The following SPTBN5 variants were observed in gnomAD, a reference collection of about 807,000 sequenced individuals.
The protein encoded by SPTBN5 is spectrin beta, non-erythrocytic 5, also known as spectrin beta chain, non-erythrocytic 5.
Under a neutral mutation model 477.6 loss-of-function variants are expected in SPTBN5, and 513 were observed. The ratio of observed to expected loss-of-function variants is 1.07; its 90% CI spans 1.00 to 1.16. The LOEUF is 1.16. Among genes scored for constraint, SPTBN5 ranks in the 50% most tolerant of loss-of-function variants. The probability of loss-of-function intolerance (pLI) is 0.00; values close to 1 mark genes in which losing one functional copy is unlikely to be tolerated. For missense variants in SPTBN5, 5,062 were observed against 4,731.8 expected, an observed-to-expected ratio of 1.07 and a Z score of -2.05; for synonymous variants, 2,169 against 2,011.7, an observed-to-expected ratio of 1.08 and a Z score of -2.09.
chr15:41,868,288 G>C, intron 33 of SPTBN5, 70 bp from the exon 34 acceptor site: 1 of 1,563,826 alleles, frequency 6.4e-7, no homozygotes, highest in Non-Finnish European at 8.6e-7. Flanking sequence ...TGGATCCTGA[G>C]GGAAGCTCCT....
In SPTBN5 at chr15:41,856,879, C is replaced by T; in HGVS notation, c.8782G>A (p.Val2928Met). Residue 2928 changes from valine (V) to methionine (M), a missense_variant, in exon 52 of 68, where the codon GTG becomes ATG. By Grantham distance (21) the Val-to-Met change is conservative. Coordinates refer to ENST00000320955, the MANE Select transcript of SPTBN5 (RefSeq NM_016642.4). ...TGGTGCTGCTCCTGCAGGTGCCGCA[C>T]CGCACTCAGGCTCTGGCCATAGTCC... ...AQDYGQSLSA[V>M]RHLQEQHQNL... 1.3e-6 allele frequency: 2 copies of T among 1,550,308 alleles called. No homozygotes were observed. Among genetic ancestry groups the T allele is most frequent in the African/African-American group, 1.4e-5 (1 of 73,196 alleles).
intron 61 of SPTBN5, 79 bp from the exon 62 acceptor site, chr15:41,852,395 T>TC: frequency 6.8e-7 from 1 of 1,480,146 alleles, no homozygotes; most frequent in Non-Finnish European, 9.0e-7. Context: ...CTACCTCCCC[T>TC]CCCCCAGCCC....
intron 24 of SPTBN5, 64 bp from the exon 25 acceptor site, chr15:41,874,109 G>T: frequency 6.6e-7 from 1 of 1,526,698 alleles, no homozygotes; most frequent in Non-Finnish European, 8.8e-7. Flanking sequence ...CAGAGCCATG[G>T]ATGTGGCTCC....
Position 41,881,998 on chromosome 15 carries a change from C to A in SPTBN5, c.2395G>T (p.Ala799Ser), listed in dbSNP as rs763130414. 2.5e-5 allele frequency: 39 copies of A among 1,536,814 alleles called. No individual in the cohort carries two copies. The highest frequency in any genetic ancestry group is 9.5e-5 in the South Asian group (8 of 84,236). ...TGCTCCTCCAGCCGCCGCAGCTCGG[C>A]CGCGAAGGCGCGCAGGACGCGCTCC... is the stretch of plus-strand genomic sequence containing the variant. ...RLERVLRAFA[A>S]ELRRLEEQGR... Residue 799 changes from alanine to serine, a missense_variant, in exon 12 of 68, where the codon GCC (alanine) becomes TCC (serine). Ala to Ser is a moderately conservative substitution (Grantham distance 99, BLOSUM62 1). Coordinates refer to ENST00000320955, the MANE Select transcript of SPTBN5 (RefSeq NM_016642.4).
Position 41,876,565 on chromosome 15 carries a change from C to A in SPTBN5, c.3934G>T (p.Ala1312Ser), listed in dbSNP as rs1282853402. 9 of 1,601,924 alleles carry A rather than the reference C, an allele frequency of 5.6e-6. No homozygotes were observed. Among genetic ancestry groups the A allele is most frequent in the Non-Finnish European group, 7.7e-6 (9 of 1,174,654 alleles). ...RSEQRRRQLLASLQLQEWKQD... is the reference protein window; with the variant it reads ...RSEQRRRQLLSSLQLQEWKQD... Reference sequence around the variant, plus strand: ...ACCCTCACCTGGAGCTGGAGGGAAGCCAGCAACTGCCTCCTCCTCTGCTCA... The same window carrying A: ...ACCCTCACCTGGAGCTGGAGGGAAGACAGCAACTGCCTCCTCCTCTGCTCA... Residue 1312 changes from alanine (A) to serine (S), a missense_variant, in exon 20 of 68, where the codon GCT (alanine) becomes TCT (serine). Transcript: ENST00000320955.
At chr15:41,851,969 C>A (rs961887054) in intron 62 of SPTBN5, 119 bp from the exon 63 acceptor site, 2 of 959,694 alleles carry the variant, frequency 2.1e-6, no homozygotes, top group Admixed American at 2.5e-5. Flanking sequence ...CCAGGCCTGA[C>A]CCTGCTTAGC....
In SPTBN5 at chr15:41,848,343, G is replaced by A. The variant is rs971141105; in HGVS notation, c.*273C>T. 7.1e-6 allele frequency: 4 copies of A among 562,526 alleles called. No individual in the cohort carries two copies. The highest frequency in any genetic ancestry group is 1.3e-5 in the Non-Finnish European group (4 of 312,324). 34.8% of individuals were successfully genotyped at this position (562,526 alleles called of 1,614,324 possible). A position where few individuals can be genotyped will look rare whatever the true frequency, so the allele number is the denominator to read the frequency against. On this transcript the variant is annotated 3_prime_UTR_variant, in exon 68 of 68. Coordinates refer to ENST00000320955, the MANE Select transcript of SPTBN5 (RefSeq NM_016642.4). Reference sequence around the variant, plus strand: ...CAAGGAGGAGGCCACATGGGCCTGGGGTAGCCCTGGCCTTGCCCACCTGCT... The same window carrying A: ...CAAGGAGGAGGCCACATGGGCCTGGAGTAGCCCTGGCCTTGCCCACCTGCT...
chr15:41,885,232 C>T (rs1383821590), intron 7 of SPTBN5, among the ~76,000 whole-genome samples: 1 of 152,212 alleles, frequency 6.6e-6, no homozygotes, highest in Admixed American at 6.5e-5. Context: ...GCCATGTTGG[C>T]TAGGCTGTCT....
chr15:41,893,220 C>G, intron 2 of SPTBN5, 62 bp downstream of exon 2: 1 of 1,607,614 alleles, frequency 6.2e-7, no homozygotes, highest in South Asian at 1.1e-5. Flanking sequence ...CCCCGGAGGC[C>G]CACTGGCCAG....
At chr15:41,880,339 G>A in intron 13 of SPTBN5, 27 bp from the exon 14 acceptor site, 1 of 1,576,134 alleles carries the variant, frequency 6.3e-7, no homozygotes, top group Non-Finnish European at 8.6e-7. Context: ...CAAGGCTGGG[G>A]TGAGGGTCAG....
chr15:41,885,844 T>C lies in SPTBN5; in HGVS notation c.1411A>G (p.Met471Val). The change falls in exon 7 of 68, where the codon ATG becomes GTG. Residue 471 changes from methionine (M) to valine (V), a missense_variant. Transcript: ENST00000320955. ...TGGGGCAGGATGCCAGCCTCCAGCATGCCCAGCCTCTGGACGGCTGCCTCC... is the reference window on the plus strand; with the variant it reads ...TGGGGCAGGATGCCAGCCTCCAGCACGCCCAGCCTCTGGACGGCTGCCTCC... The part of the protein sequence containing the change: ...TVEAAVQRLG[M>V]LEAGILPQEG... 1 of 1,563,498 alleles carries C rather than the reference T, an allele frequency of 6.4e-7. No individual in the cohort carries two copies. The highest frequency in any genetic ancestry group is 1.2e-5 in the South Asian group (1 of 85,002).
At chr15:41,868,834 C>T (rs114104764) in intron 32 of SPTBN5, among the ~76,000 whole-genome samples, 4,027 of 152,314 alleles carry the variant, frequency 0.026, 84 homozygotes, top group South Asian at 0.07. Flanking sequence ...CTTACCACGA[C>T]ACATCTCTGC....
Position 41,852,192 on chromosome 15 carries a change from C to T in SPTBN5, c.10574G>A (p.Arg3525Lys), listed in dbSNP as rs747831754. 4.4e-6 allele frequency: 7 copies of T among 1,594,858 alleles called. No homozygotes were observed. The highest frequency in any genetic ancestry group is 4.5e-5 in the East Asian group (2 of 44,468). The change falls in exon 62 of 68, where the codon AGG (arginine) becomes AAG (lysine). Residue 3525 changes from arginine (R) to lysine (K), a missense_variant. Physicochemically the swap from Arg to Lys is conservative, Grantham distance 26. Transcript: ENST00000320955. ...CATAGGGACACCTGCCTGGGGGTCCCTCGTCTCAGCCAGCTGTGCTCCTAG... is the reference window on the plus strand; with the variant it reads ...CATAGGGACACCTGCCTGGGGGTCCTTCGTCTCAGCCAGCTGTGCTCCTAG... ...QGLGAQLAETRDPQDAKGTPT... is the reference protein window; with the variant it reads ...QGLGAQLAETKDPQDAKGTPT...
intron 59 of SPTBN5, 37 bp downstream of exon 59, chr15:41,853,221 C>G (rs1356358792): frequency 6.4e-7 from 1 of 1,555,338 alleles, no homozygotes; most frequent in African/African-American, 1.4e-5. Context: ...AGGCTGTATC[C>G]CCAGCCCAAC....
At position 41,857,281 on chromosome 15, in the gene SPTBN5, G is replaced by A; in HGVS notation, c.8578C>T (p.Leu2860Phe). 6.4e-7 allele frequency: 1 copy of A among 1,574,706 alleles called. No homozygotes were observed. ...GCCTGCTCTTCCACATCTTGGGCAA[G>A]GCAGTGGCCTTCCCTCACAAAGGCC... ...AQAFVREGHC[L>F]AQDVEEQARR... The change falls in exon 51 of 68, where the codon CTT becomes TTT. Residue 2860 changes from leucine to phenylalanine, a missense_variant. Coordinates refer to ENST00000320955, the MANE Select transcript of SPTBN5 (RefSeq NM_016642.4).
chr15:41,860,722 G>A lies in SPTBN5; in HGVS notation c.7852C>T (p.His2618Tyr), dbSNP rs1270607961. The A allele has an allele frequency of 2.5e-6, 4 of 1,601,008 alleles. No homozygotes were observed. Among genetic ancestry groups the A allele is most frequent in the South Asian group, 2.3e-5 (2 of 88,172 alleles). Residue 2618 changes from histidine to tyrosine, a missense_variant, in exon 47 of 68, where the codon CAC (histidine) becomes TAC (tyrosine). By Grantham distance (83) the His-to-Tyr change is moderately conservative (BLOSUM62 2). Coordinates refer to ENST00000320955, the MANE Select transcript of SPTBN5 (RefSeq NM_016642.4). ...LAPMEPLLWKHKMLEWDLEVQ... is the reference protein window; with the variant it reads ...LAPMEPLLWKYKMLEWDLEVQ... ...TCCAGGTCCCACTCCAGCATCTTGT[G>A]CTTCCACAGAAGGGGCTCCATGGGG...
chr15:41,881,900 G>A, intron 12 of SPTBN5, 36 bp downstream of exon 12: 1 of 1,505,630 alleles, frequency 6.6e-7, no homozygotes, highest in Non-Finnish European at 8.8e-7. Flanking sequence ...GGTGGAGCAA[G>A]GGAGACCAGG....
Position 41,870,501 on chromosome 15 carries a change from G to A in SPTBN5, c.5507C>T (p.Thr1836Ile). ...TCTGTGAACTCTGAGGGTGGTCTCGGTGTCTCGGAGCGCGTGGCCTCGGGC... is the reference window on the plus strand; with the variant it reads ...TCTGTGAACTCTGAGGGTGGTCTCGATGTCTCGGAGCGCGTGGCCTCGGGC... ...TQARGHALRD[T>I]ETTLRVHRDL... The change falls in exon 30 of 68, where the codon ACC (threonine) becomes ATC (isoleucine). Residue 1836 changes from threonine (T) to isoleucine (I), a missense_variant. Physicochemically the swap from Thr to Ile is moderately conservative, Grantham distance 89. Coordinates refer to ENST00000320955, the MANE Select transcript of SPTBN5 (RefSeq NM_016642.4). The A allele has an allele frequency of 6.2e-7, 1 of 1,613,206 alleles. No individual in the cohort carries two copies. Among genetic ancestry groups the A allele is most frequent in the Non-Finnish European group, 8.5e-7 (1 of 1,179,816 alleles).
At position 41,854,129 on chromosome 15, in the gene SPTBN5, G is replaced by A. The variant is rs769251871; in HGVS notation, c.9695C>T (p.Thr3232Met). ...TCCGTCCTCCCCCTTCATCAGGGCCGTCTTCTCCTGCATCCTTCCCTGGAG... is the reference window on the plus strand; with the variant it reads ...TCCGTCCTCCCCCTTCATCAGGGCCATCTTCTCCTGCATCCTTCCCTGGAG... ...AELQGRMQEK[T>M]ALMKGEDGGH... Residue 3232 changes from threonine (T) to methionine (M), a missense_variant, in exon 57 of 68, where the codon ACG (threonine) becomes ATG (methionine). By Grantham distance (81) the Thr-to-Met change is moderately conservative. Transcript: ENST00000320955. The A allele has an allele frequency of 1.3e-4, 203 of 1,591,538 alleles. No individual in the cohort carries two copies. Among genetic ancestry groups the A allele is most frequent in the Middle Eastern group, 1.6e-4 (1 of 6,062 alleles).
Sources: gnomAD v4.1 joint callset for allele counts (sites outside exome capture counted in the v4.1 genomes callset) on GRCh38, gnomAD v4.1.1 for gene constraint, MANE v1.5 for transcripts, NCBI Gene and HGNC (gene_info 2026-07-23, HGNC 2026-07-21) for gene names.